NFIB: variants seen among roughly 807,000 people sequenced by gnomAD.
NFIB encodes nuclear factor 1 B-type.
A neutral mutation model predicts 61.5 loss-of-function variants in NFIB; 11 were observed. The ratio of observed to expected loss-of-function variants is 0.18; its 90% CI spans 0.11 to 0.30. The LOEUF is 0.30. Among genes scored for constraint, NFIB ranks in the 10% least tolerant of loss-of-function variants. NFIB has a pLI of 1.00. For missense variants in NFIB, 471 were observed against 608.9 expected (o/e 0.77, Z 2.38); for synonymous variants, 260 against 216.5 (o/e 1.20, Z -1.76).
the NFIB span, among the ~76,000 whole-genome samples, chr9:14,439,040 C>G: frequency 2.0e-5 from 3 of 152,170 alleles, 1 homozygote; most frequent in Non-Finnish European, 4.4e-5. Context: ...TTATGGCCAA[C>G]AGGGTTCTAA....
intron 2 of NFIB, among the ~76,000 whole-genome samples, chr9:14,299,052 T>C (rs1158779332): frequency 6.6e-6 from 1 of 152,238 alleles, no homozygotes; most frequent in Non-Finnish European, 1.5e-5. Flanking sequence ...GAACATTTTT[T>C]ACACTTCAGA....
the NFIB span, among the ~76,000 whole-genome samples, chr9:14,465,417 T>C: frequency 6.6e-6 from 1 of 151,714 alleles, no homozygotes; most frequent in Admixed American, 6.6e-5. Flanking sequence ...ATAAACACTC[T>C]GTTTGACTAA....
At chr9:14,347,068 C>T (rs2061033411) in intron 1 of NFIB, among the ~76,000 whole-genome samples, 1 of 151,818 alleles carries the variant, frequency 6.6e-6, no homozygotes, top group African/African-American at 2.4e-5. Flanking sequence ...ACAACCCGCC[C>T]GGCGCGAAGG....
chr9:14,508,054 G>C, the NFIB span, among the ~76,000 whole-genome samples: 2 of 150,810 alleles, frequency 1.3e-5, no homozygotes, highest in Admixed American at 6.6e-5. Context: ...TGAATATTAA[G>C]CACATGAATC....
chr9:14,517,337 C>T, the NFIB span, among the ~76,000 whole-genome samples: 1 of 152,308 alleles, frequency 6.6e-6, no homozygotes, highest in Non-Finnish European at 1.5e-5. Flanking sequence ...TACATGCCTC[C>T]AAGGCGTACC....
At chr9:14,368,853 T>C (rs923375926) in intron 1 of NFIB, among the ~76,000 whole-genome samples, 2 of 152,202 alleles carry the variant, frequency 1.3e-5, no homozygotes, top group African/African-American at 4.8e-5. Flanking sequence ...ATGACCCTTA[T>C]TGTTCCCGTG....
the NFIB span, among the ~76,000 whole-genome samples, chr9:14,517,557 T>C: frequency 0.058 from 8,762 of 152,220 alleles, 383 homozygotes; most frequent in East Asian, 0.17. Context: ...TCTACGTCTG[T>C]GAAGTTTCAC....
At chr9:14,174,644 G>T (rs1587315566) in intron 3 of NFIB, among the ~76,000 whole-genome samples, 1 of 151,718 alleles carries the variant, frequency 6.6e-6, no homozygotes, top group East Asian at 1.9e-4. Flanking sequence ...GCAGGCGCCT[G>T]TAATCCCAGC....
chr9:14,098,077 G>A (rs1036772331), intron 10 of NFIB, among the ~76,000 whole-genome samples: 2 of 151,902 alleles, frequency 1.3e-5, no homozygotes, highest in Non-Finnish European at 2.9e-5. Flanking sequence ...CATGTAACAC[G>A]GAAAATAGCT....
intron 2 of NFIB, among the ~76,000 whole-genome samples, chr9:14,278,546 G>C (rs2058160884): frequency 6.6e-6 from 1 of 152,198 alleles, no homozygotes; most frequent in Non-Finnish European, 1.5e-5. Context: ...GCTGAGGAAA[G>C]AAAAGAGGCG....
At chr9:14,157,388 A>G (rs1040976590) in intron 3 of NFIB, among the ~76,000 whole-genome samples, 2 of 152,196 alleles carry the variant, frequency 1.3e-5, no homozygotes, top group African/African-American at 4.8e-5. Context: ...GGAGCCACTG[A>G]TGTTTGACAT....
At chr9:14,311,048 CATT>C (rs2060256120) in intron 1 of NFIB, among the ~76,000 whole-genome samples, 1 of 152,012 alleles carries the variant, frequency 6.6e-6, no homozygotes, top group Non-Finnish European at 1.5e-5. Context: ...TAATGGTTTA[CATT>C]ATTTTTAAAC....
At chr9:14,299,538 C>T (rs1013570439) in intron 2 of NFIB, among the ~76,000 whole-genome samples, 1 of 152,160 alleles carries the variant, frequency 6.6e-6, no homozygotes, top group Non-Finnish European at 1.5e-5. Context: ...TTATTTCGCA[C>T]TTGTTTAAAC....
At chr9:14,476,042 C>A in the NFIB span, among the ~76,000 whole-genome samples, 1 of 152,088 alleles carries the variant, frequency 6.6e-6, no homozygotes, top group Middle Eastern at 3.2e-3. Flanking sequence ...CTGGACTTGT[C>A]AGAACAATAA....
the NFIB span, among the ~76,000 whole-genome samples, chr9:14,489,113 G>A: frequency 1.3e-5 from 2 of 152,130 alleles, no homozygotes; most frequent in Non-Finnish European, 2.9e-5. Context: ...TACTCCATTT[G>A]GTACCCTAGG....
chr9:14,152,399 A>G (rs2042963773), intron 4 of NFIB, among the ~76,000 whole-genome samples: 1 of 152,134 alleles, frequency 6.6e-6, no homozygotes, highest in African/African-American at 2.4e-5. Context: ...CGCATGTTTT[A>G]TAATTTATTA....
chr9:14,395,153 G>C (rs2061668735), intron 1 of NFIB, among the ~76,000 whole-genome samples: 2 of 152,018 alleles, frequency 1.3e-5, no homozygotes, highest in South Asian at 4.2e-4. Flanking sequence ...TGCTGTGACA[G>C]AGCACCTGGC....
At chr9:14,261,961 G>A (rs942323512) in intron 2 of NFIB, among the ~76,000 whole-genome samples, 2 of 152,182 alleles carry the variant, frequency 1.3e-5, no homozygotes, top group African/African-American at 4.8e-5. Context: ...GGATTGCAAG[G>A]CAGGAGGTGG....
chr9:14,162,357 G>A (rs1321816568), intron 3 of NFIB, among the ~76,000 whole-genome samples: 2 of 151,642 alleles, frequency 1.3e-5, no homozygotes, highest in South Asian at 2.1e-4. Flanking sequence ...ATTCTTTTTT[G>A]GCATTAGTAG....
Sources: gnomAD v4.1 joint callset for allele counts (sites outside exome capture counted in the v4.1 genomes callset) on GRCh38, gnomAD v4.1.1 for gene constraint, MANE v1.5 for transcripts, NCBI Gene and HGNC (gene_info 2026-07-23, HGNC 2026-07-21) for gene names.